LCORL: variants seen among roughly 807,000 people sequenced by gnomAD.
LCORL encodes ligand-dependent nuclear receptor corepressor-like protein.
LCORL carries 41 observed loss-of-function variants against 141.8 expected under a neutral mutation model. The ratio of observed to expected loss-of-function variants is 0.29; its 90% CI spans 0.23 to 0.38. The LOEUF (loss-of-function observed/expected upper bound fraction) is 0.38, where lower values mean the gene tolerates loss of function less well. LCORL is among the 10% of genes least tolerant of loss of function. LCORL has a pLI of 1.00. For synonymous variants in LCORL, 618 were observed against 694.1 expected (o/e 0.89, Z 1.72); for missense variants, 1,759 against 2,035.0 (o/e 0.86, Z 2.61).
chr4:17,859,848 T>A (rs1436698134), intron 7 of LCORL, among the ~76,000 whole-genome samples: 1 of 152,106 alleles, frequency 6.6e-6, no homozygotes, highest in East Asian at 1.9e-4. Flanking sequence ...AAGAAAGCAA[T>A]CCCATTCACA....
intron 1 of LCORL, among the ~76,000 whole-genome samples, chr4:17,980,754 C>G (rs1250279939): frequency 3.3e-5 from 5 of 152,194 alleles, no homozygotes; most frequent in African/African-American, 1.2e-4. Context: ...GACCACACAG[C>G]AGGAGGTGAG....
intron 7 of LCORL, chr4:17,867,001 C>A: frequency 2.0e-6 from 2 of 985,090 alleles, no homozygotes; most frequent in South Asian, 9.4e-5. Context: ...GAACTTACCT[C>A]AGATAGAGAA....
chr4:17,843,618 C>T (rs77416591), exon 8 of LCORL: 55,764 of 457,970 alleles, frequency 0.12, 3,807 homozygotes, highest in South Asian at 0.21. Context: ...AAAAAGTGTG[C>T]ATCAGTCAGT....
At chr4:17,876,385 T>C (rs1160213802) in exon 7 of LCORL, 1 of 1,230,820 alleles carries the variant, frequency 8.1e-7, no homozygotes, top group Non-Finnish European at 1.0e-6. Flanking sequence ...TTACCATCAA[T>C]TTCTATCAAT....
intron 5 of LCORL, among the ~76,000 whole-genome samples, chr4:17,894,468 T>G (rs551523814): frequency 2.0e-5 from 3 of 152,330 alleles, no homozygotes; most frequent in Middle Eastern, 6.8e-3. Context: ...AATAAAAGGA[T>G]TTTAAAAGTA....
intron 2 of LCORL, among the ~76,000 whole-genome samples, chr4:17,963,692 T>C (rs913390495): frequency 1.1e-4 from 17 of 151,964 alleles, no homozygotes; most frequent in African/African-American, 4.1e-4. Flanking sequence ...CGTAATATAT[T>C]AGAGAATTTC....
chr4:17,974,955 G>A (rs777476479), intron 1 of LCORL, among the ~76,000 whole-genome samples: 8 of 151,830 alleles, frequency 5.3e-5, no homozygotes, highest in Non-Finnish European at 7.4e-5. Context: ...TTTAGGTATC[G>A]TCTCTCCTTT....
Position 17,939,785 on chromosome 4 carries a change from C to T in LCORL, c.430+22118G>A, listed in dbSNP as rs1015731329. 7.3e-5 allele frequency among the ~76,000 whole-genome samples: 11 copies of T among 151,292 alleles called. No homozygotes were observed. The South Asian group carries it at 1.7e-3, about 23-fold the overall frequency. On this transcript the variant is annotated intron_variant, in intron 4 of 7. Coordinates refer to ENST00000635767, the Ensembl canonical transcript of LCORL. ...GTCTAGAAAAGAATAATGAAAGAGG[C>T]GGTGGTTCATCTAAACAGAGGTGAA... is the stretch of plus-strand genomic sequence containing the variant.
chr4:17,912,146 T>C (rs537548523), intron 4 of LCORL: 15 of 1,002,286 alleles, frequency 1.5e-5, no homozygotes, highest in South Asian at 3.8e-5. Context: ...AATGCCCGCA[T>C]TGTTCTGCAG....
At chr4:17,925,646 C>G (rs1735005946) in intron 4 of LCORL, among the ~76,000 whole-genome samples, 2 of 151,934 alleles carry the variant, frequency 1.3e-5, no homozygotes, top group South Asian at 4.2e-4. Flanking sequence ...CCGAGGCAGG[C>G]AGATCATGAG....
rs13150915 is a variant in LCORL at position 17,907,842 on chromosome 4, T to G, written c.682+1252A>C. 4.4e-3 allele frequency among the ~76,000 whole-genome samples: 667 copies of G among 152,312 alleles called. 5 individuals carry two copies. Among genetic ancestry groups the G allele is most frequent in the Non-Finnish European group, 7.1e-3 (481 of 68,022 alleles). On this transcript the variant is annotated intron_variant, in intron 5 of 7. Transcript: ENST00000635767. ...GTTGGACACCCATGCGATATCATAG[T>G]TATCTTTTGACATTTCTTTCCCTAT...
At chr4:17,991,970 A>G (rs1268106166) in intron 1 of LCORL, among the ~76,000 whole-genome samples, 1 of 152,208 alleles carries the variant, frequency 6.6e-6, no homozygotes. Flanking sequence ...AGAGTAATGG[A>G]TACCTAAAGG....
At chr4:17,885,108 C>A (rs533301506) in intron 6 of LCORL, among the ~76,000 whole-genome samples, 30 of 151,976 alleles carry the variant, frequency 2.0e-4, no homozygotes, top group Middle Eastern at 6.8e-3. Context: ...ATAAAAAGTA[C>A]CCAAATCCTA....
chr4:17,882,581 T>C, intron 6 of LCORL: 9 of 984,754 alleles, frequency 9.1e-6, no homozygotes, highest in Non-Finnish European at 1.1e-5. Flanking sequence ...CAGTGTTAAA[T>C]ATTTGTAAAT....
intron 4 of LCORL, among the ~76,000 whole-genome samples, chr4:17,915,616 A>C (rs1335147452): frequency 6.6e-6 from 1 of 152,222 alleles, no homozygotes; most frequent in Non-Finnish European, 1.5e-5. Context: ...GCCTTTAAGA[A>C]GGCTGCAGAG....
At chr4:17,856,913 A>G (rs868132902) in intron 7 of LCORL, among the ~76,000 whole-genome samples, 1 of 152,336 alleles carries the variant, frequency 6.6e-6, no homozygotes, top group Middle Eastern at 3.4e-3. Context: ...AACACAATTT[A>G]TCACTGCTTT....
intron 6 of LCORL, chr4:17,881,746 T>C: frequency 2.1e-6 from 2 of 957,558 alleles, no homozygotes; most frequent in South Asian, 9.7e-5. Context: ...ATAAATATTA[T>C]GTAATGCATT....
intron 4 of LCORL, among the ~76,000 whole-genome samples, chr4:17,919,101 T>G (rs1440194837): frequency 6.6e-6 from 1 of 151,950 alleles, no homozygotes; most frequent in East Asian, 1.9e-4. Flanking sequence ...CACAAAAGAT[T>G]ATCAGAAAAT....
intron 5 of LCORL, among the ~76,000 whole-genome samples, chr4:17,896,710 T>C (rs1729983467): frequency 6.6e-6 from 1 of 152,222 alleles, no homozygotes; most frequent in South Asian, 2.1e-4. Context: ...TTCAAGCATT[T>C]ATCCTTTGTG....
Sources: allele counts gnomAD v4.1 joint callset (sites outside exome capture counted in the v4.1 genomes callset), GRCh38; gene constraint gnomAD v4.1.1; transcripts MANE v1.5; gene names NCBI Gene and HGNC (gene_info 2026-07-23, HGNC 2026-07-21).